Variants in QTMAN observed in about 807,000 individuals in gnomAD.
QTMAN encodes queuosine-tRNA mannosyltransferase.
chr2:144,167,639 G>A, the QTMAN span, among the ~76,000 whole-genome samples: 11 of 151,924 alleles, frequency 7.2e-5, no homozygotes, highest in Middle Eastern at 3.4e-3. Context: ...CCTTCCTGCC[G>A]CCCTGTGAAG....
At chr2:144,285,855 C>CA in the QTMAN span, among the ~76,000 whole-genome samples, 1 of 152,148 alleles carries the variant, frequency 6.6e-6, no homozygotes, top group Non-Finnish European at 1.5e-5. Context: ...TTTCCAAAAA[C>CA]AACCACAGCA....
chr2:144,075,480 G>A, the QTMAN span, among the ~76,000 whole-genome samples: 1 of 152,174 alleles, frequency 6.6e-6, no homozygotes, highest in African/African-American at 2.4e-5. Flanking sequence ...GGCACTTTCA[G>A]AAGTTTTATT....
the QTMAN span, among the ~76,000 whole-genome samples, chr2:144,255,534 T>C: frequency 6.6e-6 from 1 of 152,216 alleles, no homozygotes; most frequent in East Asian, 1.9e-4. Context: ...TATTTCTTCA[T>C]AGCAGCATGA....
the QTMAN span, among the ~76,000 whole-genome samples, chr2:143,961,146 G>T: frequency 6.6e-6 from 1 of 152,138 alleles, no homozygotes; most frequent in African/African-American, 2.4e-5. Context: ...TTTCACAAAT[G>T]TAACAATTTA....
the QTMAN span, among the ~76,000 whole-genome samples, chr2:144,206,736 C>T: frequency 6.6e-6 from 1 of 152,182 alleles, no homozygotes; most frequent in Non-Finnish European, 1.5e-5. Flanking sequence ...TCAAATGCTT[C>T]AGGCTTCAAA....
the QTMAN span, among the ~76,000 whole-genome samples, chr2:144,272,321 TAA>T: frequency 4.6e-5 from 7 of 152,236 alleles, no homozygotes; most frequent in Admixed American, 1.3e-4. Context: ...GAATAAAATT[TAA>T]AATACCAAAC....
the QTMAN span, among the ~76,000 whole-genome samples, chr2:144,110,815 C>G: frequency 2.0e-5 from 3 of 152,086 alleles, no homozygotes; most frequent in Non-Finnish European, 4.4e-5. Flanking sequence ...GTGATATCAT[C>G]TTTCCCATCT....
chr2:144,222,020 T>G, the QTMAN span, among the ~76,000 whole-genome samples: 1 of 152,164 alleles, frequency 6.6e-6, no homozygotes, highest in Admixed American at 6.5e-5. Context: ...GTACTTACAG[T>G]TTTGAAATGG....
the QTMAN span, among the ~76,000 whole-genome samples, chr2:144,308,253 G>A: frequency 6.9e-6 from 1 of 144,562 alleles, no homozygotes; most frequent in South Asian, 2.1e-4. Flanking sequence ...CACAGCCTCT[G>A]CCTCCCAGGT....
the QTMAN span, among the ~76,000 whole-genome samples, chr2:144,196,182 T>G: frequency 6.7e-6 from 1 of 150,348 alleles, no homozygotes; most frequent in Non-Finnish European, 1.5e-5. Flanking sequence ...CATAATACAA[T>G]TGTCACATGT....
the QTMAN span, among the ~76,000 whole-genome samples, chr2:144,073,468 T>C: frequency 1.3e-5 from 2 of 152,084 alleles, no homozygotes; most frequent in Non-Finnish European, 2.9e-5. Context: ...TTATGTCCTT[T>C]TGAACAAATA....
the QTMAN span, among the ~76,000 whole-genome samples, chr2:144,215,309 TAC>T: frequency 1.1e-4 from 17 of 149,610 alleles, no homozygotes; most frequent in Admixed American, 2.7e-4. Flanking sequence ...TATATATATA[TAC>T]ACACACACAC....
At chr2:144,298,017 T>C in the QTMAN span, among the ~76,000 whole-genome samples, 1 of 151,742 alleles carries the variant, frequency 6.6e-6, no homozygotes, top group African/African-American at 2.4e-5. Context: ...TAGAAGAATA[T>C]TTTAATTTTT....
the QTMAN span, among the ~76,000 whole-genome samples, chr2:144,203,012 T>C: frequency 6.6e-5 from 10 of 152,260 alleles, no homozygotes; most frequent in African/African-American, 2.2e-4. Context: ...CAAGAAAACT[T>C]TGTTCCCCTT....
the QTMAN span, among the ~76,000 whole-genome samples, chr2:144,302,768 A>G: frequency 6.6e-6 from 1 of 152,348 alleles, no homozygotes; most frequent in South Asian, 2.1e-4. Context: ...TAACCTAGTA[A>G]GAAAACTAGT....
chr2:144,002,116 C>T, the QTMAN span, among the ~76,000 whole-genome samples: 2 of 151,896 alleles, frequency 1.3e-5, no homozygotes, highest in Non-Finnish European at 2.9e-5. Flanking sequence ...TGCCTTAACA[C>T]AATTCAAGGC....
chr2:143,964,742 C>T, the QTMAN span, among the ~76,000 whole-genome samples: 1 of 152,050 alleles, frequency 6.6e-6, no homozygotes. Flanking sequence ...TAGTAATAAC[C>T]ATTGTCATAC....
At chr2:144,304,949 T>A in the QTMAN span, among the ~76,000 whole-genome samples, 1 of 152,220 alleles carries the variant, frequency 6.6e-6, no homozygotes, top group Non-Finnish European at 1.5e-5. Flanking sequence ...TATTTTTGAA[T>A]TGTCTTGATT....
chr2:144,150,851 T>C, the QTMAN span, among the ~76,000 whole-genome samples: 10 of 152,180 alleles, frequency 6.6e-5, no homozygotes, highest in African/African-American at 2.2e-4. Flanking sequence ...GAGAGATAGC[T>C]ACTATTTGCA....
Sources: gnomAD v4.1 joint callset for allele counts (sites outside exome capture counted in the v4.1 genomes callset) on GRCh38, gnomAD v4.1.1 for gene constraint, MANE v1.5 for transcripts, NCBI Gene and HGNC (gene_info 2026-07-23, HGNC 2026-07-21) for gene names.